FANCM: variants seen among roughly 807,000 people sequenced by gnomAD.
FANCM encodes the protein FA complementation group M, also known as Fanconi anemia group M protein.
Under a neutral mutation model 199.5 loss-of-function variants are expected in FANCM, and 140 were observed. The ratio of observed to expected loss-of-function variants is 0.70; its 90% CI spans 0.61 to 0.81. The LOEUF is 0.81. Ranked by LOEUF, FANCM falls within the 30% of genes least tolerant of loss-of-function variation. The pLI is 0.00. For missense variants in FANCM, 2,410 were observed against 2,421.4 expected, an observed-to-expected ratio of 1.00 and a Z score of 0.10; for synonymous variants, 840 against 836.8, an observed-to-expected ratio of 1.00 and a Z score of -0.07.
intron 11 of FANCM, 139 bp from the exon 12 acceptor site, chr14:45,170,450 C>A: frequency 1.7e-6 from 1 of 601,224 alleles, no homozygotes; most frequent in Non-Finnish European, 3.0e-6. Context: ...TGCTTGAACC[C>A]AGGAGTTTGA....
At chr14:45,140,489 A>G (rs894761698) in intron 2 of FANCM, 143 bp from the exon 3 acceptor site, 7 of 650,980 alleles carry the variant, frequency 1.1e-5, no homozygotes, top group Non-Finnish European at 1.9e-5. Context: ...CAGATAATAT[A>G]ACTGGTGGTA....
intron 3 of FANCM, among the ~76,000 whole-genome samples, chr14:45,145,285 CTG>C (rs1886281873): frequency 6.6e-6 from 1 of 151,778 alleles, no homozygotes; most frequent in African/African-American, 2.4e-5. Flanking sequence ...GCTGCCCAGA[CTG>C]GGGTTGAATG....
chr14:45,178,203 A>C (rs181614232), intron 14 of FANCM, among the ~76,000 whole-genome samples: 38 of 152,340 alleles, frequency 2.5e-4, no homozygotes, highest in African/African-American at 8.7e-4. Context: ...TGTTGGAAGT[A>C]AGTACTGGAA....
At chr14:45,145,503 C>CCTTCACTGTGAACTA (rs1371728139) in intron 3 of FANCM, among the ~76,000 whole-genome samples, 2 of 152,186 alleles carry the variant, frequency 1.3e-5, no homozygotes, top group Non-Finnish European at 2.9e-5. Flanking sequence ...TTCACTGTGA[C>CCTTCACTGTGAACTA]AGAGCAACAC....
intron 2 of FANCM, chr14:45,137,484 C>G (rs1386762517): frequency 6.1e-6 from 3 of 489,122 alleles, no homozygotes; most frequent in Non-Finnish European, 1.1e-5. Flanking sequence ...TTAAGACTAA[C>G]CAGATAATTA....
chr14:45,160,253 C>CA (rs1323820675), intron 9 of FANCM, among the ~76,000 whole-genome samples: 1 of 151,464 alleles, frequency 6.6e-6, no homozygotes, highest in Non-Finnish European at 1.5e-5. Context: ...CTCAGCCTCC[C>CA]AAAATGCTGA....
chr14:45,188,081 G>A (rs1292424998), intron 19 of FANCM, among the ~76,000 whole-genome samples, 194 bp downstream of exon 19: 2 of 152,212 alleles, frequency 1.3e-5, no homozygotes, highest in East Asian at 1.9e-4. Context: ...GCTCACGCCT[G>A]TAATCCCAGC....
chr14:45,159,136 T>A lies in FANCM; in HGVS notation c.1437T>A (p.Val479=). The A allele has an allele frequency of 6.2e-7, 1 of 1,612,776 alleles. No homozygotes were observed. ...AAAAGAAACGTGATGAGACCCGAGT[T>A]ATGATCTTCTCTTCATTTCGAGATA... ...TTEKKRDETR[V]MIFSSFRDSV... is the part of the protein sequence containing the mutation. Residue 479 remains valine, a synonymous_variant, in exon 9 of 23, where the codon GTT becomes GTA. Coordinates refer to ENST00000267430, the MANE Select transcript of FANCM (RefSeq NM_020937.4).
At chr14:45,183,687 ACATGG>A (rs1484142998) in intron 16 of FANCM, 82 bp from the exon 17 acceptor site, 1 of 831,386 alleles carries the variant, frequency 1.2e-6, no homozygotes, top group East Asian at 2.7e-5. Flanking sequence ...TGTATTTATA[ACATGG>A]CTCTGAGTTG....
In FANCM at chr14:45,193,308, G is replaced by A. The variant is rs1021420109; in HGVS notation, c.5341-2864G>A. The stretch of plus-strand genomic sequence containing the variant: ...ATCACTGAGAAATTCCTACCTTCGA[G>A]ACCTGGGGACACAAGTCCTGCCCAA... On this transcript the variant is annotated intron_variant, in intron 20 of 22. Transcript: ENST00000267430. 2.0e-5 allele frequency among the ~76,000 whole-genome samples: 3 copies of A among 152,280 alleles called. No homozygotes were observed. In the South Asian group the frequency reaches 6.2e-4, roughly 32 times the overall value.
At chr14:45,148,774 A>G in intron 3 of FANCM, 63 bp from the exon 4 acceptor site, 2 of 1,078,656 alleles carry the variant, frequency 1.9e-6, no homozygotes, top group East Asian at 2.4e-5. Flanking sequence ...TATTTCTGTT[A>G]GTGACTTAAA....
At chr14:45,160,777 G>C (rs967630598) in intron 9 of FANCM, among the ~76,000 whole-genome samples, 1 of 151,962 alleles carries the variant, frequency 6.6e-6, no homozygotes, top group Non-Finnish European at 1.5e-5. Flanking sequence ...TCCTGACCTC[G>C]TGATCCGCCC....
At chr14:45,167,986 CT>C (rs1164531181) in intron 11 of FANCM, among the ~76,000 whole-genome samples, 2 of 152,094 alleles carry the variant, frequency 1.3e-5, no homozygotes, top group African/African-American at 4.8e-5. Context: ...GACTCTTACG[CT>C]GAAAAATCTG....
In FANCM at chr14:45,136,100, G is replaced by A. The variant is rs1885468322; in HGVS notation, c.69G>A (p.Pro23=). Residue 23 remains proline (P), a synonymous_variant, in exon 1 of 23, where the codon CCG becomes CCA. Coordinates refer to ENST00000267430, the MANE Select transcript of FANCM (RefSeq NM_020937.4). ...GSSISRSSGT[P]GCSSGTERPQ... is the part of the protein sequence containing the mutation. ...GTATCTCCCGATCATCTGGGACTCC[G>A]GGTTGCAGCTCCGGAACTGAGCGAC... The A allele has an allele frequency of 1.2e-6, 2 of 1,614,124 alleles. No individual in the cohort carries two copies. The highest frequency in any genetic ancestry group is 1.7e-6 in the Non-Finnish European group (2 of 1,180,026).
intron 20 of FANCM, among the ~76,000 whole-genome samples, chr14:45,194,250 T>C (rs1360303066): frequency 1.3e-5 from 2 of 149,572 alleles, no homozygotes; most frequent in African/African-American, 4.9e-5. Flanking sequence ...TGCAGTGAGC[T>C]GAGACTGCAC....
In FANCM at chr14:45,140,194, C is replaced by T. The variant is rs139954302; in HGVS notation, c.682-438C>T. 7.9e-3 allele frequency among the ~76,000 whole-genome samples: 1,196 copies of T among 152,168 alleles called. 8 individuals are homozygous for T. The highest frequency in any genetic ancestry group is 0.013 in the Non-Finnish European group (850 of 67,990). On this transcript the variant is annotated intron_variant, in intron 2 of 22. Transcript: ENST00000267430. ...AGACAATGGAAACTGAACTTTCTTC[C>T]TCTTCCATTTGACCTTAAAGCAGTC... is the stretch of plus-strand genomic sequence containing the variant.
intron 12 of FANCM, among the ~76,000 whole-genome samples, chr14:45,171,036 C>T (rs1888308155): frequency 6.6e-6 from 1 of 151,970 alleles, no homozygotes; most frequent in South Asian, 2.1e-4. Flanking sequence ...GTCATTTAAA[C>T]ATTTCTATAT....
chr14:45,149,035 A>T, intron 4 of FANCM, 40 bp downstream of exon 4: 1 of 1,421,884 alleles, frequency 7.0e-7, no homozygotes, highest in Non-Finnish European at 9.9e-7. Flanking sequence ...TCATAAATAA[A>T]CTGGTAATTG....
chr14:45,186,586 A>G (rs370493305), intron 18 of FANCM, among the ~76,000 whole-genome samples: 8 of 152,204 alleles, frequency 5.3e-5, no homozygotes, highest in South Asian at 2.1e-4. Flanking sequence ...TTAAAAGGCA[A>G]TGTTCTCAGT....
Sources: allele counts gnomAD v4.1 joint callset (sites outside exome capture counted in the v4.1 genomes callset), GRCh38; gene constraint gnomAD v4.1.1; transcripts MANE v1.5; gene names NCBI Gene and HGNC (gene_info 2026-07-23, HGNC 2026-07-21).